Variants in DCAF6 observed in about 807,000 individuals in gnomAD.
DCAF6 encodes DDB1- and CUL4-associated factor 6.
A neutral mutation model predicts 125.1 loss-of-function variants in DCAF6; 54 were observed. The observed-to-expected ratio is 0.43, with a 90% CI of 0.35 to 0.54. DCAF6 has a LOEUF of 0.54. DCAF6 is among the 20% of genes least tolerant of loss of function. The probability of loss-of-function intolerance (pLI) is 0.01; values close to 1 mark genes in which losing one functional copy is unlikely to be tolerated. For missense variants in DCAF6, 934 were observed against 1,161.7 expected, an observed-to-expected ratio of 0.80 and a Z score of 2.85; for synonymous variants, 371 against 390.4, an observed-to-expected ratio of 0.95 and a Z score of 0.58.
intron 4 of DCAF6, among the ~76,000 whole-genome samples, chr1:167,976,643 T>C (rs1375032957): frequency 6.6e-6 from 1 of 152,170 alleles, no homozygotes; most frequent in Admixed American, 6.5e-5. Flanking sequence ...TCAGTAAATA[T>C]TTCTACTCTT....
At chr1:167,998,048 A>C (rs1163775393) in intron 7 of DCAF6, among the ~76,000 whole-genome samples, 2 of 152,156 alleles carry the variant, frequency 1.3e-5, no homozygotes, top group African/African-American at 4.8e-5. Context: ...AAAAAATTAG[A>C]GTTATTATAT....
At chr1:167,976,886 GTTTTTTTTTTTTTTTTTTTT>G (rs397981860) in intron 4 of DCAF6, among the ~76,000 whole-genome samples, 252 of 38,108 alleles carry the variant, frequency 6.6e-3, no homozygotes, top group Non-Finnish European at 9.8e-3. Flanking sequence ...TCCTTTAGCA[GTTTTTTTTTTTTTTTTTTTT>G]TTTTTTTTTT....
intron 2 of DCAF6, among the ~76,000 whole-genome samples, chr1:167,961,202 T>G (rs1233319626): frequency 1.3e-5 from 2 of 152,190 alleles, no homozygotes; most frequent in African/African-American, 2.4e-5. Context: ...TCCTATTACT[T>G]TGCTACAATC....
the DCAF6 span, chr1:167,916,943 T>A: frequency 4.6e-5 from 7 of 152,242 alleles, no homozygotes; most frequent in Admixed American, 3.3e-4. Flanking sequence ...TTCTCCTCAA[T>A]GGTAGGCCAT....
chr1:167,887,869 A>G, the DCAF6 span, among the ~76,000 whole-genome samples: 1 of 150,958 alleles, frequency 6.6e-6, no homozygotes, highest in African/African-American at 2.4e-5. Context: ...ATCTTTGCCC[A>G]CTCCAATGTC....
the DCAF6 span, among the ~76,000 whole-genome samples, chr1:167,925,480 T>TATATATATAC: frequency 1.5e-5 from 2 of 134,880 alleles, no homozygotes; most frequent in African/African-American, 5.6e-5. Flanking sequence ...TATATACATA[T>TATATATATAC]ACATATACAC....
chr1:167,884,693 A>T, the DCAF6 span, among the ~76,000 whole-genome samples: 63 of 118,880 alleles, frequency 5.3e-4, no homozygotes, highest in African/African-American at 2.1e-3. Flanking sequence ...CAATCATTTT[A>T]ATTTTTTTTT....
upstream of DCAF6, among the ~76,000 whole-genome samples, chr1:167,932,792 G>C (rs911192107): frequency 1.5e-5 from 2 of 129,932 alleles, no homozygotes; most frequent in African/African-American, 3.0e-5. Flanking sequence ...CTAGGGAACA[G>C]AGCAAGACTC....
intron 2 of DCAF6, among the ~76,000 whole-genome samples, chr1:167,964,077 C>T (rs932785412): frequency 1.3e-5 from 2 of 152,134 alleles, no homozygotes; most frequent in African/African-American, 4.8e-5. Context: ...AATTTGTTAG[C>T]TCAATTAAGA....
intron 12 of DCAF6, among the ~76,000 whole-genome samples, chr1:168,037,744 A>G (rs566972342): frequency 3.5e-4 from 53 of 152,336 alleles, no homozygotes; most frequent in African/African-American, 1.2e-3. Context: ...AATTCCTTGC[A>G]AGATTAGTCA....
At chr1:168,072,179 C>G (rs566858825) in intron 21 of DCAF6, among the ~76,000 whole-genome samples, 1 of 151,392 alleles carries the variant, frequency 6.6e-6, no homozygotes, top group Non-Finnish European at 1.5e-5. Context: ...TGCCTGTAGT[C>G]CCAGCTACTT....
chr1:168,027,479 TCTGA>T (rs1025881554), intron 12 of DCAF6, among the ~76,000 whole-genome samples: 1 of 152,186 alleles, frequency 6.6e-6, no homozygotes, highest in South Asian at 2.1e-4. Flanking sequence ...TGAATATATC[TCTGA>T]CTAATGATTA....
intron 1 of DCAF6, among the ~76,000 whole-genome samples, chr1:167,950,851 T>A (rs908776520): frequency 7.9e-5 from 12 of 152,240 alleles, no homozygotes; most frequent in Non-Finnish European, 1.3e-4. Context: ...TACTCTGTTT[T>A]TGCAGTATTT....
At chr1:167,934,929 T>C (rs1671037205), upstream of DCAF6, among the ~76,000 whole-genome samples, 1 of 152,100 alleles carries the variant, frequency 6.6e-6, no homozygotes, top group Admixed American at 6.5e-5. Flanking sequence ...TTCAGTTTCT[T>C]ACAGTTTTTT....
chr1:168,037,661 A>G (rs560008921), intron 12 of DCAF6, among the ~76,000 whole-genome samples: 15 of 152,302 alleles, frequency 9.8e-5, no homozygotes, highest in Admixed American at 3.3e-4. Context: ...GATTTCATAC[A>G]TTGAGATAGA....
At chr1:167,942,431 A>G (rs1672396381) in intron 1 of DCAF6, among the ~76,000 whole-genome samples, 1 of 152,198 alleles carries the variant, frequency 6.6e-6, no homozygotes, top group Admixed American at 6.5e-5. Context: ...TTTGTCATCC[A>G]TATAGTCTGG....
intron 10 of DCAF6, among the ~76,000 whole-genome samples, chr1:168,007,387 C>A (rs917195763): frequency 6.6e-6 from 1 of 152,110 alleles, no homozygotes; most frequent in Non-Finnish European, 1.5e-5. Flanking sequence ...TGCCTTATTT[C>A]TCTGCTGCTT....
intron 1 of DCAF6, among the ~76,000 whole-genome samples, chr1:167,938,856 C>A (rs914440278): frequency 6.6e-6 from 1 of 152,060 alleles, no homozygotes; most frequent in Admixed American, 6.5e-5. Flanking sequence ...ACTCCAACTC[C>A]CTAATGGAAA....
At chr1:167,965,971 C>T (rs1007686296) in intron 2 of DCAF6, among the ~76,000 whole-genome samples, 1 of 152,190 alleles carries the variant, frequency 6.6e-6, no homozygotes, top group Admixed American at 6.5e-5. Context: ...TTAACGCTTT[C>T]TGAACCTCCA....
Sources: gnomAD v4.1 joint callset for allele counts (sites outside exome capture counted in the v4.1 genomes callset) on GRCh38, gnomAD v4.1.1 for gene constraint, MANE v1.5 for transcripts, NCBI Gene and HGNC (gene_info 2026-07-23, HGNC 2026-07-21) for gene names.